SOX6: variants seen among roughly 807,000 people sequenced by gnomAD.
SOX6 encodes SRY-box transcription factor 6.
In SOX6, 11 loss-of-function variants were observed where a neutral mutation model predicts 97.8. The ratio of observed to expected loss-of-function variants is 0.11; its 90% CI spans 0.07 to 0.19. SOX6 has a LOEUF of 0.19. Ranked by LOEUF, SOX6 falls within the 10% of genes least tolerant of loss-of-function variation. SOX6 has a pLI of 1.00. For synonymous variants in SOX6, 360 were observed against 371.4 expected, an observed-to-expected ratio of 0.97 and a Z score of 0.35; for missense variants, 810 against 1,039.5, an observed-to-expected ratio of 0.78 and a Z score of 3.04.
chr11:16,646,972 A>G (rs761299798), intron 3 of SOX6, among the ~76,000 whole-genome samples: 1 of 152,222 alleles, frequency 6.6e-6, no homozygotes, highest in Non-Finnish European at 1.5e-5. Context: ...ACTGTTTTCC[A>G]TAGTAGTTGT....
At chr11:16,606,429 C>A (rs900912916) in intron 4 of SOX6, among the ~76,000 whole-genome samples, 2 of 152,108 alleles carry the variant, frequency 1.3e-5, no homozygotes, top group Non-Finnish European at 2.9e-5. Context: ...CCCATCTGAA[C>A]CTTCAAAGCC....
intron 4 of SOX6, among the ~76,000 whole-genome samples, chr11:16,194,389 T>C (rs1489311320): frequency 6.6e-6 from 1 of 152,216 alleles, no homozygotes; most frequent in African/African-American, 2.4e-5. Context: ...CTATTGTCAT[T>C]GCTCCCATAT....
chr11:16,023,940 T>C (rs1855143404), intron 12 of SOX6, among the ~76,000 whole-genome samples: 1 of 152,092 alleles, frequency 6.6e-6, no homozygotes, highest in South Asian at 2.1e-4. Flanking sequence ...TGAGTAAATA[T>C]GGTTGTTATG....
intron 4 of SOX6, among the ~76,000 whole-genome samples, chr11:16,611,190 G>A (rs1848393255): frequency 6.6e-6 from 1 of 152,248 alleles, no homozygotes; most frequent in Non-Finnish European, 1.5e-5. Flanking sequence ...TTCCTGGAGA[G>A]AGGTCCCCCT....
At chr11:16,701,887 C>G (rs2134041890) in intron 3 of SOX6, among the ~76,000 whole-genome samples, 2 of 151,450 alleles carry the variant, frequency 1.3e-5, no homozygotes, top group African/African-American at 4.8e-5. Context: ...GAGCAAGACT[C>G]CGTCTCAAAA....
At chr11:16,289,606 T>G (rs978974161) in intron 3 of SOX6, among the ~76,000 whole-genome samples, 4 of 151,984 alleles carry the variant, frequency 2.6e-5, no homozygotes, top group African/African-American at 9.7e-5. Flanking sequence ...CCTTTTGATT[T>G]ACTAAAGCCC....
At chr11:16,616,700 G>T (rs2133986044) in intron 3 of SOX6, among the ~76,000 whole-genome samples, 1 of 151,848 alleles carries the variant, frequency 6.6e-6, no homozygotes, top group South Asian at 2.1e-4. Flanking sequence ...GCCAGCAGAA[G>T]CATCCTGTTC....
At position 16,351,679 on chromosome 11, in the gene SOX6, A is replaced by G. The variant is rs75315489; in HGVS notation, c.-5+4415T>C. Among the ~76,000 whole-genome samples, 28 of 152,030 alleles carry G rather than the reference A, an allele frequency of 1.8e-4. No homozygotes were observed. In the East Asian group the frequency reaches 4.3e-3, roughly 23 times the overall value. On this transcript the variant is annotated intron_variant, in intron 1 of 15. Transcript: ENST00000683767. Reference sequence around the variant, plus strand: ...GCCTTTGCTCTGCCTGTCTCTCCCTATTTTCCTCACTTTCCTTTCTTAGTG... The same window carrying G: ...GCCTTTGCTCTGCCTGTCTCTCCCTGTTTTCCTCACTTTCCTTTCTTAGTG...
intron 13 of SOX6, among the ~76,000 whole-genome samples, chr11:16,000,738 G>GCA (rs564924340): frequency 1.5e-3 from 232 of 151,172 alleles, no homozygotes; most frequent in African/African-American, 5.5e-3. Flanking sequence ...GTGCGCGCGT[G>GCA]CGCGTGTGTG....
chr11:16,011,266 T>C (rs1225437398), intron 13 of SOX6, among the ~76,000 whole-genome samples: 1 of 152,094 alleles, frequency 6.6e-6, no homozygotes, highest in Non-Finnish European at 1.5e-5. Flanking sequence ...ATGTCCTACA[T>C]AGGAGCTAAC....
chr11:16,121,755 G>T (rs1849494979), intron 6 of SOX6, among the ~76,000 whole-genome samples: 1 of 151,938 alleles, frequency 6.6e-6, no homozygotes, highest in South Asian at 2.1e-4. Flanking sequence ...AATTAAATGT[G>T]TTTAAATTAT....
intron 1 of SOX6, among the ~76,000 whole-genome samples, chr11:16,403,563 CATA>C (rs902099911): frequency 2.4e-4 from 37 of 151,614 alleles, no homozygotes; most frequent in African/African-American, 8.9e-4. Context: ...ACATAGTGAC[CATA>C]ATAACACCAT....
At chr11:16,386,787 G>A (rs1400314053) in intron 1 of SOX6, among the ~76,000 whole-genome samples, 1 of 152,052 alleles carries the variant, frequency 6.6e-6, no homozygotes, top group Non-Finnish European at 1.5e-5. Context: ...TTCCTTCATA[G>A]TATTTATTAT....
chr11:16,356,794 T>G (rs1030993905), upstream of SOX6, among the ~76,000 whole-genome samples: 9 of 151,668 alleles, frequency 5.9e-5, no homozygotes, highest in African/African-American at 2.2e-4. Flanking sequence ...GTGGTGAGAG[T>G]TTACAGCAAA....
intron 3 of SOX6, among the ~76,000 whole-genome samples, chr11:16,266,516 G>A (rs1051127824): frequency 1.3e-5 from 2 of 151,442 alleles, no homozygotes; most frequent in African/African-American, 4.8e-5. Flanking sequence ...TAACATGGGT[G>A]TATATTTAAT....
chr11:16,550,117 C>T (rs1847665963), intron 4 of SOX6, among the ~76,000 whole-genome samples: 1 of 152,088 alleles, frequency 6.6e-6, no homozygotes, highest in Non-Finnish European at 1.5e-5. Context: ...ACATATACAC[C>T]ATGGAATACT....
chr11:16,540,315 A>G (rs1196501839), intron 4 of SOX6, among the ~76,000 whole-genome samples: 1 of 152,070 alleles, frequency 6.6e-6, no homozygotes, highest in Non-Finnish European at 1.5e-5. Context: ...TTGATGGGAC[A>G]TATTTCAAAA....
intron 4 of SOX6, among the ~76,000 whole-genome samples, chr11:16,218,793 C>T (rs936453106): frequency 6.6e-6 from 1 of 151,984 alleles, no homozygotes; most frequent in Non-Finnish European, 1.5e-5. Flanking sequence ...TGATGTCGAC[C>T]GAACAAAATG....
intron 12 of SOX6, among the ~76,000 whole-genome samples, chr11:16,044,872 C>G (rs1055025362): frequency 2.6e-5 from 4 of 152,076 alleles, no homozygotes; most frequent in African/African-American, 9.7e-5. Context: ...TCCATTGAAA[C>G]AATTTTGCAG....
Sources: gnomAD v4.1 joint callset for allele counts (sites outside exome capture counted in the v4.1 genomes callset) on GRCh38, gnomAD v4.1.1 for gene constraint, MANE v1.5 for transcripts, NCBI Gene and HGNC (gene_info 2026-07-23, HGNC 2026-07-21) for gene names.